Variants in CEP192 observed in about 807,000 individuals in gnomAD.
CEP192 encodes centrosomal protein of 192 kDa.
CEP192 carries 151 observed loss-of-function variants against 271.8 expected under a neutral mutation model. That is an observed-to-expected ratio of 0.56 (90% CI 0.49 to 0.64). The LOEUF is 0.64. Ranked by LOEUF, CEP192 falls within the 30% of genes least tolerant of loss-of-function variation. CEP192 has a pLI of 0.00. For missense variants in CEP192, 2,910 were observed against 3,020.5 expected (o/e 0.96, Z 0.86); for synonymous variants, 995 against 1,076.5 (o/e 0.92, Z 1.48).
At chr18:13,098,468 CGGCTG>C (rs2039529337) in intron 36 of CEP192, among the ~76,000 whole-genome samples, 1 of 150,496 alleles carries the variant, frequency 6.6e-6, no homozygotes, top group Admixed American at 6.6e-5. Context: ...TCAGACGGGG[CGGCTG>C]GGCAGAGACG....
At chr18:13,101,605 A>G (rs974648496) in intron 38 of CEP192, among the ~76,000 whole-genome samples, 11 of 152,032 alleles carry the variant, frequency 7.2e-5, no homozygotes, top group Non-Finnish European at 1.6e-4. Flanking sequence ...ATATGGGTGC[A>G]TCTCTCACCT....
chr18:13,059,862 G>T (rs1003577513), intron 21 of CEP192, among the ~76,000 whole-genome samples: 1 of 152,152 alleles, frequency 6.6e-6, no homozygotes, highest in Non-Finnish European at 1.5e-5. Context: ...GCGAGGGAGG[G>T]TGTGGCTGCC....
At chr18:13,074,979 A>G (rs2038196132) in intron 30 of CEP192, among the ~76,000 whole-genome samples, 1 of 152,216 alleles carries the variant, frequency 6.6e-6, no homozygotes, top group Non-Finnish European at 1.5e-5. Context: ...TGATTATTCC[A>G]TGTTGATTGT....
At chr18:13,073,666 C>T (rs192745758) in intron 30 of CEP192, among the ~76,000 whole-genome samples, 4 of 152,290 alleles carry the variant, frequency 2.6e-5, no homozygotes, top group Admixed American at 2.6e-4. Context: ...CCAGCAGATG[C>T]GGCATCTGGT....
intron 21 of CEP192, among the ~76,000 whole-genome samples, chr18:13,062,266 T>C (rs2037449835): frequency 6.6e-6 from 1 of 152,224 alleles, no homozygotes; most frequent in Admixed American, 6.5e-5. Context: ...TAGGCCCTGA[T>C]GGTTCAGTAG....
Position 13,048,878 on chromosome 18 carries a change from A to G in CEP192, c.2087A>G (p.Asn696Ser). ...GKTEDTFFMS[N>S]KPQRYKDKLP... The stretch of plus-strand genomic sequence containing the variant: ...TTCTAGGACACTTTCTTCATGAGCA[A>G]CAAACCCCAAAGATACAAAGACAAG... Residue 696 changes from asparagine to serine, a missense_variant, in exon 16 of 45, where the codon AAC becomes AGC. Asn to Ser is a conservative substitution (Grantham distance 46). Transcript: ENST00000506447. The G allele has an allele frequency of 1.2e-6, 2 of 1,601,302 alleles. No homozygotes were observed. The highest frequency in any genetic ancestry group is 2.2e-5 in the East Asian group (1 of 44,636).
rs776821242 is a variant in CEP192 at position 13,099,555 on chromosome 18, T to G, written c.6637T>G (p.Tyr2213Asp). The change falls in exon 37 of 45, where the codon TAT becomes GAT. Residue 2213 changes from tyrosine to aspartate, a missense_variant. By Grantham distance (160) the Tyr-to-Asp change is radical. Coordinates refer to ENST00000506447, the MANE Select transcript of CEP192 (RefSeq NM_032142.4). ...QSMFPWSGLI[Y>D]IHCDDGQKKI... ...AATGTTCCCGTGGAGTGGTTTGATCTATATACACTGTGACGATGGACAGAA... is the reference window on the plus strand; with the variant it reads ...AATGTTCCCGTGGAGTGGTTTGATCGATATACACTGTGACGATGGACAGAA... 6.3e-7 allele frequency: 1 copy of G among 1,588,874 alleles called. No homozygotes were observed. Among genetic ancestry groups the G allele is most frequent in the South Asian group, 1.2e-5 (1 of 86,360 alleles).
chr18:13,036,495 T>C (rs976099723), intron 11 of CEP192, among the ~76,000 whole-genome samples: 6 of 152,258 alleles, frequency 3.9e-5, no homozygotes, highest in African/African-American at 1.4e-4. Flanking sequence ...CCTAGAGTGC[T>C]ACAGCCAGGC....
Position 13,117,663 on chromosome 18 carries a change from C to T in CEP192, c.7475+20C>T, listed in dbSNP as rs148194492. The T allele has an allele frequency of 6.9e-6, 11 of 1,594,752 alleles. No homozygotes were observed. The African/African-American group carries it at 9.4e-5, about 14-fold the overall frequency. ...TTTGAGGTAAGTTTATCGCAGATCACAGTGTTCTCATCAGCGATGCAGGAC... is the reference window on the plus strand; with the variant it reads ...TTTGAGGTAAGTTTATCGCAGATCATAGTGTTCTCATCAGCGATGCAGGAC... On this transcript the variant is annotated intron_variant, in intron 44 of 44. Transcript: ENST00000506447.
chr18:13,091,663 G>A (rs998146760), intron 33 of CEP192, among the ~76,000 whole-genome samples: 2 of 152,076 alleles, frequency 1.3e-5, no homozygotes, highest in South Asian at 2.1e-4. Flanking sequence ...TATAGTTACT[G>A]TGTTCTTTTA....
At position 13,018,559 on chromosome 18, in the gene CEP192, C is replaced by A. The variant is rs1461696279; in HGVS notation, c.869C>A (p.Ser290Tyr). The part of the protein sequence containing the change: ...SSLISLDSHS[S>Y]ETTHKESEES... ...CTGATTTCCCTCGACTCACACTCTT[C>A]TGAAACAACTCACAAAGAGTCTGAG... Residue 290 changes from serine (S) to tyrosine (Y), a missense_variant, in exon 8 of 45, where the codon TCT (serine) becomes TAT (tyrosine). Coordinates refer to ENST00000506447, the MANE Select transcript of CEP192 (RefSeq NM_032142.4). 1.3e-6 allele frequency: 2 copies of A among 1,542,132 alleles called. No individual in the cohort carries two copies. Among genetic ancestry groups the A allele is most frequent in the Non-Finnish European group, 8.8e-7 (1 of 1,140,124 alleles).
intron 34 of CEP192, 119 bp downstream of exon 34, chr18:13,092,646 A>G (rs1449147186): frequency 5.3e-6 from 4 of 757,688 alleles, no homozygotes; most frequent in African/African-American, 1.8e-5. Context: ...TTTTTATTTC[A>G]CCTTTATTTT....
At position 13,041,342 on chromosome 18, in the gene CEP192, T is replaced by A. The variant is rs868171019; in HGVS notation, c.1936+386T>A. 4.6e-5 allele frequency among the ~76,000 whole-genome samples: 7 copies of A among 152,298 alleles called. No homozygotes were observed. In the South Asian group the frequency reaches 1.4e-3, roughly 32 times the overall value. On this transcript the variant is annotated intron_variant, in intron 14 of 44. Transcript: ENST00000506447. ...ATTTTTATGATAAATATAATATTTT[T>A]AATCAAATATTCTTGGTCAGCTTGG...
At chr18:13,085,532 TA>T (rs1381662516) in intron 30 of CEP192, among the ~76,000 whole-genome samples, 1 of 152,230 alleles carries the variant, frequency 6.6e-6, no homozygotes, top group Non-Finnish European at 1.5e-5. Flanking sequence ...TTTTATGTCT[TA>T]CGTTTAAGTC....
chr18:12,998,828 T>C (rs1459064839), intron 1 of CEP192, among the ~76,000 whole-genome samples: 2 of 152,216 alleles, frequency 1.3e-5, no homozygotes, highest in Non-Finnish European at 2.9e-5. Context: ...TCTCTAGTAA[T>C]AGCATAGGTT....
chr18:13,062,226 G>T (rs2037447531), intron 21 of CEP192, among the ~76,000 whole-genome samples: 1 of 148,162 alleles, frequency 6.7e-6, no homozygotes, highest in Non-Finnish European at 1.5e-5. Flanking sequence ...GTTAAAAGCT[G>T]CCTTCTTGGA....
In CEP192 at chr18:13,087,665, A is replaced by G. The variant is rs1228746216; in HGVS notation, c.5993+19A>G. ...ATCGCAGGTAGATTACTTATCTTAC[A>G]CAATGTTGGGAACCATTCAGCAGAA... On this transcript the variant is annotated intron_variant, in intron 32 of 44. Transcript: ENST00000506447. 3.1e-6 allele frequency: 4 copies of G among 1,290,848 alleles called. 1 individual carries two copies. In the South Asian group the frequency reaches 5.5e-5, roughly 18 times the overall value. The allele number at this position is 1,290,848 out of a possible 1,614,324, so 80.0% of individuals were successfully genotyped here.
chr18:13,023,354 T>A (rs1353760524), intron 9 of CEP192, among the ~76,000 whole-genome samples: 1 of 152,170 alleles, frequency 6.6e-6, no homozygotes, highest in Non-Finnish European at 1.5e-5. Flanking sequence ...TCTAGCTTCT[T>A]ACTATTAAGT....
chr18:13,060,305 A>G (rs947717223), intron 21 of CEP192, among the ~76,000 whole-genome samples: 3 of 152,246 alleles, frequency 2.0e-5, no homozygotes, highest in Non-Finnish European at 2.9e-5. Flanking sequence ...ATAGCTAAAC[A>G]TAGAAAAGGT....
Sources: gnomAD v4.1 joint callset for allele counts (sites outside exome capture counted in the v4.1 genomes callset) on GRCh38, gnomAD v4.1.1 for gene constraint, MANE v1.5 for transcripts, NCBI Gene and HGNC (gene_info 2026-07-23, HGNC 2026-07-21) for gene names.